The following ME1 variants were observed in gnomAD, a reference collection of about 807,000 sequenced individuals.
The protein encoded by ME1 is malic enzyme 1.
In ME1, 74 loss-of-function variants were observed where a neutral mutation model predicts 66.4. The observed-to-expected ratio is 1.11, with a 90% CI of 0.92 to 1.35. The LOEUF is 1.35. Ranked by LOEUF, ME1 falls within the 40% of genes most tolerant of loss-of-function variation. ME1 has a pLI of 0.00. For synonymous variants in ME1, 251 were observed against 235.6 expected (o/e 1.07, Z -0.60); for missense variants, 750 against 694.1 (o/e 1.08, Z -0.90).
intron 6 of ME1, among the ~76,000 whole-genome samples, chr6:83,308,015 C>T (rs534968479): frequency 1.3e-5 from 2 of 152,188 alleles, no homozygotes; most frequent in African/African-American, 4.8e-5. Flanking sequence ...GGCACACAGC[C>T]AAGACTTTTG....
At chr6:83,428,436 A>C (rs979027582) in intron 1 of ME1, among the ~76,000 whole-genome samples, 3 of 152,238 alleles carry the variant, frequency 2.0e-5, no homozygotes, top group African/African-American at 7.2e-5. Flanking sequence ...AAAACCAGCA[A>C]AACTGTTGTT....
chr6:83,426,853 T>G (rs967493348), intron 1 of ME1, among the ~76,000 whole-genome samples: 7 of 152,208 alleles, frequency 4.6e-5, no homozygotes, highest in Admixed American at 2.6e-4. Flanking sequence ...TATTTACTCT[T>G]AAGATATAGA....
At chr6:83,413,336 C>T (rs115200109) in intron 1 of ME1, among the ~76,000 whole-genome samples, 4,232 of 152,186 alleles carry the variant, frequency 0.028, 201 homozygotes, top group African/African-American at 0.093. Context: ...CACAGTGGCT[C>T]GCACATCCAG....
chr6:83,399,075 C>A (rs916737110), intron 2 of ME1, among the ~76,000 whole-genome samples: 4 of 152,100 alleles, frequency 2.6e-5, no homozygotes, highest in Admixed American at 1.3e-4. Context: ...CTCACTGCAA[C>A]CTCTGTCTCC....
chr6:83,340,821 T>G (rs543574010), intron 5 of ME1, among the ~76,000 whole-genome samples: 2 of 152,150 alleles, frequency 1.3e-5, no homozygotes, highest in Non-Finnish European at 2.9e-5. Flanking sequence ...GATGATCAAA[T>G]CCTTAATCTT....
intron 3 of ME1, among the ~76,000 whole-genome samples, chr6:83,374,490 G>C (rs998944540): frequency 6.6e-6 from 1 of 152,140 alleles, no homozygotes; most frequent in African/African-American, 2.4e-5. Flanking sequence ...GTAAATTCTG[G>C]ATATTAGACC....
chr6:83,227,232 G>T (rs1790213365), intron 11 of ME1, 103 bp downstream of exon 11: 2 of 694,600 alleles, frequency 2.9e-6, no homozygotes, highest in Non-Finnish European at 4.1e-6. Flanking sequence ...CATTTTGGTT[G>T]TATAATTTTT....
intron 11 of ME1, among the ~76,000 whole-genome samples, chr6:83,224,691 AAAAAAAT>A (rs201558656): frequency 6.2e-5 from 9 of 144,700 alleles, no homozygotes; most frequent in Admixed American, 2.1e-4. Context: ...CTCAAAAAAA[AAAAAAAT>A]AAAAATAATA....
At chr6:83,273,648 T>C (rs914186235) in intron 6 of ME1, among the ~76,000 whole-genome samples, 2 of 152,192 alleles carry the variant, frequency 1.3e-5, no homozygotes, top group Non-Finnish European at 2.9e-5. Context: ...AATATAATTA[T>C]ACTAATAGAT....
At chr6:83,365,032 T>C (rs1304231756) in intron 3 of ME1, among the ~76,000 whole-genome samples, 1 of 152,182 alleles carries the variant, frequency 6.6e-6, no homozygotes, top group Non-Finnish European at 1.5e-5. Flanking sequence ...ACTGCCCTCC[T>C]ACACAGATTC....
At chr6:83,224,701 A>T (rs191630648) in intron 11 of ME1, among the ~76,000 whole-genome samples, 4,631 of 120,284 alleles carry the variant, frequency 0.039, 223 homozygotes, top group African/African-American at 0.15. Flanking sequence ...AAAAAAATAA[A>T]AATAATAATA....
chr6:83,404,548 C>G (rs7740573), intron 2 of ME1, among the ~76,000 whole-genome samples: 6 of 151,944 alleles, frequency 3.9e-5, no homozygotes, highest in Non-Finnish European at 8.8e-5. Flanking sequence ...TTTGTTGCCA[C>G]TGCTTTTGGT....
chr6:83,393,875 T>C (rs1373180022), intron 3 of ME1, among the ~76,000 whole-genome samples: 2 of 152,094 alleles, frequency 1.3e-5, no homozygotes, highest in African/African-American at 2.4e-5. Flanking sequence ...TCATACAGTA[T>C]GACCCTTCAT....
rs1180631196 is a variant in ME1, at chr6:83,249,295, T to C, written c.814+4334A>G. Among the ~76,000 whole-genome samples the C allele has an allele frequency of 1.4e-4, 22 of 152,030 alleles. 1 individual carries two copies. Among genetic ancestry groups the C allele is most frequent in the Admixed American group, 1.4e-3 (22 of 15,250 alleles). ...TCTCACTCTGTTGCCCAGGCTAGAA[T>C]GCATGGCATGATCTCAGCTTGCTGA... On this transcript the variant is annotated intron_variant, in intron 7 of 13. Transcript: ENST00000369705.
At chr6:83,234,531 C>T (rs1238382643) in intron 9 of ME1, among the ~76,000 whole-genome samples, 2 of 152,144 alleles carry the variant, frequency 1.3e-5, no homozygotes, top group African/African-American at 2.4e-5. Context: ...ATCTAGACTC[C>T]TTCCTCCACT....
chr6:83,255,952 C>T (rs1428678711), intron 6 of ME1, among the ~76,000 whole-genome samples: 1 of 151,962 alleles, frequency 6.6e-6, no homozygotes, highest in Non-Finnish European at 1.5e-5. Context: ...ACTAATCTAT[C>T]AAGAAAAAAA....
At chr6:83,272,041 G>A (rs933987042) in intron 6 of ME1, among the ~76,000 whole-genome samples, 19 of 152,194 alleles carry the variant, frequency 1.2e-4, no homozygotes, top group African/African-American at 4.3e-4. Flanking sequence ...ATTTAAAACT[G>A]CACAATTTTG....
intron 2 of ME1, among the ~76,000 whole-genome samples, chr6:83,400,035 A>G (rs1483608095): frequency 6.6e-6 from 1 of 152,152 alleles, no homozygotes; most frequent in Non-Finnish European, 1.5e-5. Flanking sequence ...GGCTCAATAC[A>G]CTTTCTTTCA....
chr6:83,328,324 A>G (rs1353643685), intron 5 of ME1, among the ~76,000 whole-genome samples: 3 of 152,080 alleles, frequency 2.0e-5, no homozygotes, highest in African/African-American at 7.2e-5. Context: ...CAGGGGGTGG[A>G]AGGCAAGGGG....
Sources: allele counts gnomAD v4.1 joint callset (sites outside exome capture counted in the v4.1 genomes callset), GRCh38; gene constraint gnomAD v4.1.1; transcripts MANE v1.5; gene names NCBI Gene and HGNC (gene_info 2026-07-23, HGNC 2026-07-21).